The following PARD3B variants were observed in gnomAD, a reference collection of about 807,000 sequenced individuals.
PARD3B encodes the protein partitioning defective 3 homolog B.
In PARD3B, 103 loss-of-function variants were observed where a neutral mutation model predicts 130.2. That is an observed-to-expected ratio of 0.79 (90% CI 0.67 to 0.93). The LOEUF is 0.93. Among genes scored for constraint, PARD3B ranks in the 40% least tolerant of loss-of-function variants. The pLI is 0.00. For synonymous variants in PARD3B, 583 were observed against 553.2 expected (o/e 1.05, Z -0.76); for missense variants, 1,609 against 1,499.2 (o/e 1.07, Z -1.21).
chr2:205,111,902 C>A (rs940815112), intron 5 of PARD3B, among the ~76,000 whole-genome samples: 8 of 152,110 alleles, frequency 5.3e-5, no homozygotes, highest in Middle Eastern at 3.4e-3. Context: ...TCCACAAATG[C>A]CTAAAAATGC....
intron 1 of PARD3B, among the ~76,000 whole-genome samples, chr2:204,570,797 A>G (rs1238061452): frequency 6.7e-6 from 1 of 149,514 alleles, no homozygotes; most frequent in African/African-American, 2.4e-5. Flanking sequence ...AGCTGTTGTA[A>G]CTGAGGTGTA....
At chr2:205,605,497 T>G (rs1014386624) in intron 22 of PARD3B, among the ~76,000 whole-genome samples, 33 of 152,066 alleles carry the variant, frequency 2.2e-4, no homozygotes, top group African/African-American at 7.7e-4. Flanking sequence ...TGTTTGTTTG[T>G]TTTAACAGTC....
At chr2:205,334,622 G>C (rs553299697) in intron 18 of PARD3B, among the ~76,000 whole-genome samples, 1 of 152,176 alleles carries the variant, frequency 6.6e-6, no homozygotes, top group Non-Finnish European at 1.5e-5. Context: ...TATCACCTCT[G>C]CTTTTTGAAG....
In PARD3B at chr2:205,119,011, C is replaced by T. The variant is rs80348816; in HGVS notation, c.771C>T (p.Ile257=). 3.2e-4 allele frequency: 522 copies of T among 1,609,284 alleles called. 5 individuals carry two copies. The East Asian group carries it at 0.01, about 31-fold the overall frequency. The change falls in exon 7 of 23, where the codon ATC becomes ATT. Residue 257 remains isoleucine (I), a synonymous_variant. Coordinates refer to ENST00000406610, the MANE Select transcript of PARD3B (RefSeq NM_001302769.2). Reference sequence around the variant, plus strand: ...ACGAAAATGAATGTATTGTAAAAATCAACAATGTGGATCTCGTAGACAAAA... The same window carrying T: ...ACGAAAATGAATGTATTGTAAAAATTAACAATGTGGATCTCGTAGACAAAA... ...LFHENECIVK[I]NNVDLVDKTF... is the part of the protein sequence containing the mutation.
At chr2:205,453,670 T>A (rs971632666) in intron 20 of PARD3B, among the ~76,000 whole-genome samples, 3 of 152,204 alleles carry the variant, frequency 2.0e-5, no homozygotes, top group Non-Finnish European at 2.9e-5. Context: ...GCTAAGGTTT[T>A]TCAAACTTCA....
intron 3 of PARD3B, among the ~76,000 whole-genome samples, chr2:205,004,122 C>T (rs1228928989): frequency 6.6e-6 from 1 of 152,100 alleles, no homozygotes; most frequent in Non-Finnish European, 1.5e-5. Flanking sequence ...GGAAGAGTGC[C>T]TGTATTCTTA....
intron 1 of PARD3B, among the ~76,000 whole-genome samples, chr2:204,597,103 G>T (rs2033328778): frequency 6.6e-6 from 1 of 152,112 alleles, no homozygotes; most frequent in Non-Finnish European, 1.5e-5. Flanking sequence ...TGCAGAATTG[G>T]GTATGGGAAA....
chr2:205,577,056 T>G (rs1271753008), intron 22 of PARD3B, among the ~76,000 whole-genome samples: 1 of 152,224 alleles, frequency 6.6e-6, no homozygotes, highest in Non-Finnish European at 1.5e-5. Context: ...GGGGCTTATA[T>G]AAATGGTATT....
chr2:205,202,897 C>T (rs568870426), intron 15 of PARD3B, among the ~76,000 whole-genome samples: 16 of 151,992 alleles, frequency 1.1e-4, no homozygotes, highest in African/African-American at 3.1e-4. Context: ...AGTAAATTCT[C>T]CTAAAGTTAA....
chr2:205,510,074 C>T (rs2050532403), intron 21 of PARD3B, among the ~76,000 whole-genome samples: 2 of 152,208 alleles, frequency 1.3e-5, no homozygotes, highest in Admixed American at 1.3e-4. Flanking sequence ...ACAGGAGACT[C>T]TGAAGCTAGG....
Position 205,104,312 on chromosome 2 carries a change from C to A in PARD3B, c.505-114C>A, listed in dbSNP as rs550398706. The A allele has an allele frequency of 9.0e-6, 6 of 664,732 alleles. 1 individual carries two copies. In the East Asian group the frequency reaches 1.5e-4, roughly 17 times the overall value. The allele number at this position is 664,732 out of a possible 1,614,324, so 41.2% of individuals were successfully genotyped here. A position where few individuals can be genotyped will look rare whatever the true frequency, so the allele number is the denominator to read the frequency against. On this transcript the variant is annotated intron_variant, in intron 4 of 22. Coordinates refer to ENST00000406610, the MANE Select transcript of PARD3B (RefSeq NM_001302769.2). ...CTTCCAGTTTTCAAAGAAATTAGAG[C>A]ATACTGTATATATCCAGCGTAAAGC...
chr2:205,199,596 TAGAC>T (rs1294249408), intron 15 of PARD3B, among the ~76,000 whole-genome samples: 1 of 152,036 alleles, frequency 6.6e-6, no homozygotes, highest in African/African-American at 2.4e-5. Context: ...TAGTAAAAGT[TAGAC>T]AGCCAAGCTA....
At chr2:204,602,658 A>G (rs1326570848) in intron 1 of PARD3B, among the ~76,000 whole-genome samples, 2 of 151,770 alleles carry the variant, frequency 1.3e-5, no homozygotes, top group African/African-American at 2.4e-5. Context: ...GAGAGATCAA[A>G]TCAACCCTTA....
At chr2:204,604,713 A>T (rs2033645685) in intron 1 of PARD3B, among the ~76,000 whole-genome samples, 1 of 152,194 alleles carries the variant, frequency 6.6e-6, no homozygotes, top group Admixed American at 6.5e-5. Flanking sequence ...ATTTTGATAT[A>T]GTAGATTGAT....
At chr2:205,512,714 T>C (rs1157169726) in intron 21 of PARD3B, among the ~76,000 whole-genome samples, 1 of 152,170 alleles carries the variant, frequency 6.6e-6, no homozygotes, top group Admixed American at 6.5e-5. Context: ...TTTAAGCCTG[T>C]GTGTGTGCAT....
chr2:205,252,184 C>T (rs1229340967), intron 16 of PARD3B, among the ~76,000 whole-genome samples: 1 of 152,036 alleles, frequency 6.6e-6, no homozygotes, highest in Non-Finnish European at 1.5e-5. Flanking sequence ...GTATGCATCT[C>T]TAAAATTCAT....
At chr2:205,399,249 A>G (rs959929540) in intron 18 of PARD3B, among the ~76,000 whole-genome samples, 3 of 152,006 alleles carry the variant, frequency 2.0e-5, no homozygotes, top group Non-Finnish European at 4.4e-5. Context: ...CAGCCTGGGC[A>G]ACAAGAGTGA....
chr2:205,315,629 C>T (rs2042538999), intron 18 of PARD3B, among the ~76,000 whole-genome samples: 1 of 152,140 alleles, frequency 6.6e-6, no homozygotes, highest in Admixed American at 6.6e-5. Flanking sequence ...TCAATGCCCT[C>T]TATATTCTCG....
At chr2:204,718,721 G>A (rs1156585454) in intron 2 of PARD3B, among the ~76,000 whole-genome samples, 4 of 152,152 alleles carry the variant, frequency 2.6e-5, no homozygotes, top group South Asian at 4.1e-4. Context: ...GGTCAGATTC[G>A]CAGGGAGCAA....
Sources: allele counts gnomAD v4.1 joint callset (sites outside exome capture counted in the v4.1 genomes callset), GRCh38; gene constraint gnomAD v4.1.1; transcripts MANE v1.5; gene names NCBI Gene and HGNC (gene_info 2026-07-23, HGNC 2026-07-21).